The following SP100 variants were observed in gnomAD, a reference collection of about 807,000 sequenced individuals.
SP100 encodes nuclear autoantigen Sp-100.
SP100 carries 84 observed loss-of-function variants against 130.0 expected under a neutral mutation model. That is an observed-to-expected ratio of 0.65 (90% CI 0.54 to 0.77). SP100 has a LOEUF of 0.77. SP100 is among the 30% of genes least tolerant of loss of function. The pLI is 0.00. For missense variants in SP100, 978 were observed against 1,052.2 expected (o/e 0.93, Z 0.97); for synonymous variants, 331 against 351.7 (o/e 0.94, Z 0.66).
chr2:230,541,297 G>A lies in SP100; in HGVS notation c.2332-4G>A, dbSNP rs1692167285. 6.2e-7 allele frequency: 1 copy of A among 1,605,766 alleles called. No homozygotes were observed. The highest frequency in any genetic ancestry group is 2.3e-5 in the East Asian group (1 of 44,334). On this transcript the variant is annotated splice_region_variant and splice_polypyrimidine_tract_variant and intron_variant, in intron 26 of 28. Transcript: ENST00000340126. Reference sequence around the variant, plus strand: ...TAATTTGAAATGGCCTCCATCTTTTGCAGAAATGTGAATTCCTCCTCTTGA... The same window carrying A: ...TAATTTGAAATGGCCTCCATCTTTTACAGAAATGTGAATTCCTCCTCTTGA...
At chr2:230,449,030 A>G (rs914745824) in intron 5 of SP100, 58 bp from the exon 6 acceptor site, 2 of 1,102,844 alleles carry the variant, frequency 1.8e-6, no homozygotes, top group African/African-American at 3.1e-5. Context: ...GGATTAGGGG[A>G]GAATGGCAAA....
chr2:230,423,566 C>T (rs755220655), intron 2 of SP100, among the ~76,000 whole-genome samples: 1 of 151,990 alleles, frequency 6.6e-6, no homozygotes, highest in Non-Finnish European at 1.5e-5. Flanking sequence ...GAGGGGATTA[C>T]CTTGTGTTCT....
At chr2:230,521,163 G>C (rs1691153378) in intron 24 of SP100, among the ~76,000 whole-genome samples, 1 of 152,176 alleles carries the variant, frequency 6.6e-6, no homozygotes, top group African/African-American at 2.4e-5. Context: ...TGCTTGTCAT[G>C]TGGATGCAGA....
chr2:230,460,462 A>C (rs2064529475), intron 8 of SP100, among the ~76,000 whole-genome samples: 1 of 152,176 alleles, frequency 6.6e-6, no homozygotes, highest in African/African-American at 2.4e-5. Context: ...TTCCATTTTT[A>C]TAAATTACAC....
At chr2:230,496,166 T>A (rs75351129) in intron 18 of SP100, among the ~76,000 whole-genome samples, 2,085 of 152,308 alleles carry the variant, frequency 0.014, 45 homozygotes, top group African/African-American at 0.047. Context: ...AACTATTTTA[T>A]TAAAATACTT....
chr2:230,462,237 T>C (rs1025190154), intron 9 of SP100, among the ~76,000 whole-genome samples, 198 bp from the exon 10 acceptor site: 21 of 152,156 alleles, frequency 1.4e-4, no homozygotes, highest in African/African-American at 4.3e-4. Flanking sequence ...CACAACTGCC[T>C]TCTGTGTGTC....
intron 2 of SP100, among the ~76,000 whole-genome samples, chr2:230,426,883 C>CT (rs1025306074): frequency 1.3e-5 from 2 of 152,024 alleles, no homozygotes; most frequent in Non-Finnish European, 2.9e-5. Flanking sequence ...CTGTTTCTTT[C>CT]TTTTTTCAGT....
intron 17 of SP100, among the ~76,000 whole-genome samples, chr2:230,492,114 T>C (rs1331428559): frequency 6.6e-6 from 1 of 152,186 alleles, no homozygotes; most frequent in Non-Finnish European, 1.5e-5. Context: ...GCCATTCCAT[T>C]GTCCAGTCTT....
chr2:230,456,438 T>A (rs796976093), intron 8 of SP100, among the ~76,000 whole-genome samples: 10 of 152,336 alleles, frequency 6.6e-5, no homozygotes, highest in African/African-American at 2.4e-4. Flanking sequence ...TTCTTGTACC[T>A]GGAAATTTAT....
At chr2:230,472,427 C>CAAAAAAAAAAAA (rs201703163) in intron 15 of SP100, among the ~76,000 whole-genome samples, 2 of 61,332 alleles carry the variant, frequency 3.3e-5, no homozygotes, top group Non-Finnish European at 5.4e-5. Context: ...GACTCCGTCT[C>CAAAAAAAAAAAA]AAAAAAAAAA....
rs545978500 is a variant in SP100 at position 230,541,896 on chromosome 2, G to A, written c.2408G>A (p.Arg803Lys). The A allele has an allele frequency of 6.2e-7, 1 of 1,613,938 alleles. No homozygotes were observed. The highest frequency in any genetic ancestry group is 1.7e-5 in the Admixed American group (1 of 60,004). ...CFFASEPYYN[R>K]EGSQGPQKPM... is the part of the protein sequence containing the mutation. ...TTTTGGTCTTTTACTCAACAGAACA[G>A]AGAGGGGTCTCAGGGCCCACAGAAG... The change falls in exon 28 of 29, where the codon AGA becomes AAA. Residue 803 changes from arginine (R) to lysine (K), a missense_variant. Physicochemically the swap from Arg to Lys is conservative, Grantham distance 26. Transcript: ENST00000340126.
At chr2:230,475,384 T>A (rs985951218) in intron 17 of SP100, among the ~76,000 whole-genome samples, 1 of 152,156 alleles carries the variant, frequency 6.6e-6, no homozygotes, top group African/African-American at 2.4e-5. Context: ...TTTAATTGGA[T>A]TTTGTTTTTT....
chr2:230,540,315 T>C (rs905856121), intron 25 of SP100, among the ~76,000 whole-genome samples: 4 of 152,076 alleles, frequency 2.6e-5, no homozygotes, highest in Admixed American at 1.3e-4. Flanking sequence ...GTAGAGAAGG[T>C]TGGAGAATGA....
At chr2:230,484,775 T>C (rs547854782) in intron 17 of SP100, among the ~76,000 whole-genome samples, 9 of 152,230 alleles carry the variant, frequency 5.9e-5, no homozygotes, top group East Asian at 3.8e-4. Flanking sequence ...ATTATGATAG[T>C]ATATTTTTAA....
chr2:230,417,656 A>G lies in SP100; in HGVS notation c.98A>G (p.Asp33Gly), dbSNP rs1257079584. Residue 33 changes from aspartate to glycine, a missense_variant, in exon 2 of 29, where the codon GAT becomes GGT. Coordinates refer to ENST00000340126, the MANE Select transcript of SP100 (RefSeq NM_001080391.2). The part of the protein sequence containing the change: ...EMNHLPAHSH[D>G]LQRMFTEDQG... ...AACCATCTTCCTGCACACAGCCACG[A>G]TTTGCAAAGGTGATGAATGAAGAGT... 6.2e-7 allele frequency: 1 copy of G among 1,612,558 alleles called. No individual in the cohort carries two copies. Among genetic ancestry groups the G allele is most frequent in the Admixed American group, 1.7e-5 (1 of 59,520 alleles).
rs1370315361 is a variant in SP100, at chr2:230,534,957, G to C, written c.2095-4310G>C. Among the ~76,000 whole-genome samples, 5 of 152,142 alleles carry C rather than the reference G, an allele frequency of 3.3e-5. No individual in the cohort carries two copies. In the South Asian group the frequency reaches 1.0e-3, roughly 31 times the overall value. ...CACGCCTGTAATCCCAGCACTTTGG[G>C]AGGCCAAGACGGGTGGATCACAAGG... On this transcript the variant is annotated intron_variant, in intron 24 of 28. Transcript: ENST00000340126.
At chr2:230,434,103 A>G (rs2063177633) in intron 2 of SP100, among the ~76,000 whole-genome samples, 1 of 151,696 alleles carries the variant, frequency 6.6e-6, no homozygotes, top group Non-Finnish European at 1.5e-5. Context: ...CTTCCCTAAC[A>G]TTTATTCTGA....
At chr2:230,506,506 G>C in intron 22 of SP100, 61 bp downstream of exon 22, 1 of 1,561,970 alleles carries the variant, frequency 6.4e-7, no homozygotes. Flanking sequence ...CTAACACCAA[G>C]CTTTAGCAGA....
chr2:230,478,575 TTA>T (rs1293271754), intron 17 of SP100, among the ~76,000 whole-genome samples: 1 of 152,238 alleles, frequency 6.6e-6, no homozygotes, highest in Non-Finnish European at 1.5e-5. Context: ...ATCAGATTCT[TTA>T]TGTTAGTCTT....
Sources: gnomAD v4.1 joint callset for allele counts (sites outside exome capture counted in the v4.1 genomes callset) on GRCh38, gnomAD v4.1.1 for gene constraint, MANE v1.5 for transcripts, NCBI Gene and HGNC (gene_info 2026-07-23, HGNC 2026-07-21) for gene names.